The following GLRB variants were observed in gnomAD, a reference collection of about 807,000 sequenced individuals.
The protein encoded by GLRB is glycine receptor subunit beta.
In GLRB, 33 loss-of-function variants were observed where a neutral mutation model predicts 54.2. That is an observed-to-expected ratio of 0.61 (90% CI 0.46 to 0.81). GLRB has a LOEUF of 0.81. GLRB is among the 40% of genes least tolerant of loss of function. The probability of loss-of-function intolerance (pLI) is 0.00; values close to 1 mark genes in which losing one functional copy is unlikely to be tolerated. For synonymous variants in GLRB, 209 were observed against 208.2 expected (o/e 1.00, Z -0.03); for missense variants, 572 against 584.6 (o/e 0.98, Z 0.22).
At position 157,122,356 on chromosome 4, in the gene GLRB, AT is replaced by A; in HGVS notation, c.261del (p.Phe87LeufsTer21). 7.7e-7 allele frequency: 1 copy of A among 1,305,388 alleles called. No homozygotes were observed. The highest frequency in any genetic ancestry group is 1.1e-6 in the Non-Finnish European group (1 of 910,736). The allele number at this position is 1,305,388 out of a possible 1,614,324, so 80.9% of individuals were successfully genotyped here. On this transcript the variant is annotated frameshift_variant, in exon 4 of 10. Coordinates refer to ENST00000264428, the MANE Select transcript of GLRB (RefSeq NM_000824.5). LOFTEE classifies it high-confidence loss of function. Reference sequence around the variant, plus strand: ...CATTCCTGTTGATGTAGTAGTCAACATTTTTATTAACAGTTTTGGATCCATT... The same window carrying A: ...CATTCCTGTTGATGTAGTAGTCAACATTTTATTAACAGTTTTGGATCCATT... The part of the protein sequence containing the change: ...KGIPVDVVVN[I>X]FINSFGSIQE...
intron 2 of GLRB, among the ~76,000 whole-genome samples, chr4:157,078,865 C>T (rs1239172002): frequency 5.9e-5 from 9 of 152,032 alleles, no homozygotes; most frequent in South Asian, 2.1e-4. Flanking sequence ...CTCTACCTCC[C>T]GGGTTCAAGC....
intron 7 of GLRB, among the ~76,000 whole-genome samples, chr4:157,142,793 A>T (rs1175139930): frequency 6.6e-6 from 1 of 152,176 alleles, no homozygotes; most frequent in Non-Finnish European, 1.5e-5. Flanking sequence ...AAACGATTAT[A>T]GATATTTTAT....
At chr4:157,097,312 A>G (rs1487531126) in intron 2 of GLRB, among the ~76,000 whole-genome samples, 2 of 152,224 alleles carry the variant, frequency 1.3e-5, no homozygotes, top group African/African-American at 4.8e-5. Context: ...GTTATCACAC[A>G]AAGTGTTAGA....
At chr4:157,144,045 TGAGTTTTAGAATTGTTAGCCACC>T in intron 8 of GLRB, 86 bp downstream of exon 8, 4 of 1,356,264 alleles carry the variant, frequency 2.9e-6, no homozygotes, top group Non-Finnish European at 4.2e-6. Context: ...TTTGAAACAA[TGAGTTTTAGAATTGTTAGCCACC>T]AATTTCGGTG....
At chr4:157,169,194 A>G (rs1262649458) in intron 9 of GLRB, among the ~76,000 whole-genome samples, 1 of 152,120 alleles carries the variant, frequency 6.6e-6, no homozygotes. Context: ...ACTGTGATAT[A>G]CTAATAATAT....
At chr4:157,158,173 T>C (rs1737312287) in intron 9 of GLRB, among the ~76,000 whole-genome samples, 1 of 152,064 alleles carries the variant, frequency 6.6e-6, no homozygotes, top group East Asian at 1.9e-4. Context: ...TGCCCACTTT[T>C]TGATGGGTTT....
chr4:157,159,098 G>GTA (rs1737359768), intron 9 of GLRB, among the ~76,000 whole-genome samples: 5 of 152,118 alleles, frequency 3.3e-5, no homozygotes, highest in Admixed American at 2.6e-4. Flanking sequence ...AAGCAATCAT[G>GTA]AATGGGAGTT....
At chr4:157,120,080 G>A (rs1262315441) in intron 2 of GLRB, among the ~76,000 whole-genome samples, 2 of 151,710 alleles carry the variant, frequency 1.3e-5, no homozygotes, top group Non-Finnish European at 2.9e-5. Context: ...CATGTCCTTT[G>A]TAGGGACATG....
intron 8 of GLRB, 81 bp from the exon 9 acceptor site, chr4:157,152,637 C>A (rs574992802): frequency 6.4e-6 from 7 of 1,086,110 alleles, no homozygotes; most frequent in Non-Finnish European, 1.0e-5. Context: ...TTACTGGAGA[C>A]GGATTTAGTC....
At chr4:157,148,022 G>C (rs1336680608) in intron 8 of GLRB, among the ~76,000 whole-genome samples, 2 of 152,176 alleles carry the variant, frequency 1.3e-5, no homozygotes, top group East Asian at 3.8e-4. Context: ...CTGGTCCATA[G>C]TATCAGAAGA....
At chr4:157,158,046 G>T (rs1312543689) in intron 9 of GLRB, among the ~76,000 whole-genome samples, 1 of 152,152 alleles carries the variant, frequency 6.6e-6, no homozygotes, top group Non-Finnish European at 1.5e-5. Flanking sequence ...GTGTGAAATG[G>T]TATCTCATTT....
chr4:157,154,423 C>CTTTTTTTTTTT (rs778002566), intron 9 of GLRB, among the ~76,000 whole-genome samples: 5 of 103,458 alleles, frequency 4.8e-5, no homozygotes, highest in Admixed American at 2.0e-4. Flanking sequence ...CTTCTTTTTC[C>CTTTTTTTTTTT]TTTTTTTTTT....
At chr4:157,085,128 T>G (rs2126432006) in intron 2 of GLRB, among the ~76,000 whole-genome samples, 1 of 152,368 alleles carries the variant, frequency 6.6e-6, no homozygotes, top group Middle Eastern at 3.4e-3. Context: ...ATCAGCATCC[T>G]TATTATTCCA....
chr4:157,139,484 C>A (rs1160677332), intron 7 of GLRB, among the ~76,000 whole-genome samples: 2 of 151,910 alleles, frequency 1.3e-5, no homozygotes, highest in African/African-American at 4.8e-5. Context: ...ACAGAACAGC[C>A]AATTATGAAA....
intron 9 of GLRB, among the ~76,000 whole-genome samples, chr4:157,156,394 T>C (rs79334755): frequency 0.047 from 7,158 of 152,312 alleles, 182 homozygotes; most frequent in African/African-American, 0.056. Flanking sequence ...TACATTGATT[T>C]TGTAGACTTT....
At position 157,152,994 on chromosome 4, in the gene GLRB, A is replaced by C; in HGVS notation, c.1181A>C (p.His394Pro). 1 of 1,612,598 alleles carries C rather than the reference A, an allele frequency of 6.2e-7. No individual in the cohort carries two copies. The change falls in exon 9 of 10, where the codon CAT becomes CCT. Residue 394 changes from histidine to proline, a missense_variant. Coordinates refer to ENST00000264428, the MANE Select transcript of GLRB (RefSeq NM_000824.5). ...NTVNGTGTPV[H>P]ISTLQVGETR... ...GTGAATGGAACAGGGACTCCTGTTCATATTAGCACTTTGCAGGTAAGGATA... is the reference window on the plus strand; with the variant it reads ...GTGAATGGAACAGGGACTCCTGTTCCTATTAGCACTTTGCAGGTAAGGATA...
chr4:157,144,166 G>A (rs1736721011), intron 8 of GLRB, among the ~76,000 whole-genome samples: 1 of 152,098 alleles, frequency 6.6e-6, no homozygotes, highest in Non-Finnish European at 1.5e-5. Flanking sequence ...CTCTTTTCAT[G>A]TCCTTGGAGT....
rs770664655 is a variant in GLRB at position 157,136,816 on chromosome 4, T to C, written c.540T>C (p.Thr180=). The change falls in exon 6 of 10, where the codon ACT becomes ACC. Residue 180 remains threonine, a synonymous_variant. Coordinates refer to ENST00000264428, the MANE Select transcript of GLRB (RefSeq NM_000824.5). ...TTTCTGCTTCCAGGTTATCTATTAC[T>C]CTTTCATGCCCTTTGGACTTGACAT... The part of the protein sequence containing the change: ...DVLVSMRLSI[T]LSCPLDLTLF... 57 of 1,608,256 alleles carry C rather than the reference T, an allele frequency of 3.5e-5. 1 individual carries two copies. In the South Asian group the frequency reaches 4.8e-4, roughly 14 times the overall value.
At chr4:157,144,169 C>T (rs548217141) in intron 8 of GLRB, among the ~76,000 whole-genome samples, 1 of 152,106 alleles carries the variant, frequency 6.6e-6, no homozygotes, top group East Asian at 1.9e-4. Flanking sequence ...TTTTCATGTC[C>T]TTGGAGTATT....
Sources: gnomAD v4.1 joint callset for allele counts (sites outside exome capture counted in the v4.1 genomes callset) on GRCh38, gnomAD v4.1.1 for gene constraint, MANE v1.5 for transcripts, NCBI Gene and HGNC (gene_info 2026-07-23, HGNC 2026-07-21) for gene names.